The following RUNX1T1 variants were observed in gnomAD, a reference collection of about 807,000 sequenced individuals.
RUNX1T1 encodes the protein RUNX1 partner transcriptional co-repressor 1.
Under a neutral mutation model 62.8 loss-of-function variants are expected in RUNX1T1, and 4 were observed. The ratio of observed to expected loss-of-function variants is 0.06; its 90% CI spans 0.03 to 0.15. The LOEUF is 0.15. RUNX1T1 is among the 10% of genes least tolerant of loss of function. The pLI, the probability that RUNX1T1 is intolerant of heterozygous loss-of-function variation, is 1.00. For missense variants in RUNX1T1, 508 were observed against 754.3 expected (o/e 0.67, Z 3.82); for synonymous variants, 291 against 286.0 (o/e 1.02, Z -0.18).
intron 2 of RUNX1T1, among the ~76,000 whole-genome samples, chr8:92,070,458 C>G (rs1302106229): frequency 6.6e-6 from 1 of 152,168 alleles, no homozygotes; most frequent in Non-Finnish European, 1.5e-5. Context: ...TGAGGATACA[C>G]ATAACACTTA....
exon 11 of RUNX1T1, chr8:91,959,377 C>A (rs1320932353): frequency 4.5e-6 from 1 of 221,284 alleles, no homozygotes; most frequent in Non-Finnish European, 9.0e-6. Context: ...TCAAAACTGC[C>A]AGAATGCTAA....
At chr8:92,097,348 A>G (rs1206799583) in intron 1 of RUNX1T1, among the ~76,000 whole-genome samples, 5 of 152,220 alleles carry the variant, frequency 3.3e-5, no homozygotes, top group Non-Finnish European at 5.9e-5. Context: ...CATGTTTTAA[A>G]TTTAATAACA....
chr8:92,039,537 CA>C (rs1828048575), intron 1 of RUNX1T1, among the ~76,000 whole-genome samples: 1 of 152,154 alleles, frequency 6.6e-6, no homozygotes, highest in Admixed American at 6.5e-5. Context: ...ATGAGCAACT[CA>C]AAAGGTTTTA....
chr8:92,021,846 C>T (rs1414567514), intron 1 of RUNX1T1, among the ~76,000 whole-genome samples: 3 of 151,266 alleles, frequency 2.0e-5, no homozygotes, highest in South Asian at 2.1e-4. Flanking sequence ...CTATCAAATA[C>T]CAGCCACCTT....
At chr8:91,959,472 GTGCGTGTGTGTGTGTGTA>G (rs1563591462) in exon 11 of RUNX1T1, 28 of 42,702 alleles carry the variant, frequency 6.6e-4, no homozygotes, top group East Asian at 4.3e-3. Flanking sequence ...GTGTGTATAT[GTGCGTGTGTGTGTGTGTA>G]TATATATATA....
chr8:91,971,052 C>T, intron 9 of RUNX1T1: 1 of 421,084 alleles, frequency 2.4e-6, no homozygotes, highest in Non-Finnish European at 4.2e-6. Flanking sequence ...TATCTGATTA[C>T]TTTTTTGTAG....
chr8:91,984,060 T>C (rs1439252225), intron 8 of RUNX1T1, among the ~76,000 whole-genome samples: 1 of 152,222 alleles, frequency 6.6e-6, no homozygotes, highest in Non-Finnish European at 1.5e-5. Context: ...TAAATGCTTG[T>C]ACCCTTTGAC....
rs116250775 is a variant in RUNX1T1, at chr8:92,024,246, C to T, written c.8-6883G>A. On this transcript the variant is annotated intron_variant, in intron 1 of 10. Transcript: ENST00000396218. ...ATGCAAGGTGGAGTGCGGTAGCTCA[C>T]GCCTGTAATTCCAGCATTTTGTGAG... 5.0e-3 allele frequency among the ~76,000 whole-genome samples: 764 copies of T among 151,398 alleles called. 7 individuals are homozygous for T. The highest frequency in any genetic ancestry group is 0.018 in the African/African-American group (732 of 41,264).
chr8:91,960,321 G>A (rs776034147), exon 11 of RUNX1T1: 12 of 1,611,788 alleles, frequency 7.4e-6, no homozygotes, highest in Admixed American at 3.4e-5. Flanking sequence ...TGTGTCCATC[G>A]GGCTCCCAGC....
upstream of RUNX1T1, among the ~76,000 whole-genome samples, chr8:92,066,368 A>T (rs188802141): frequency 1.6e-3 from 246 of 152,344 alleles, 3 homozygotes; most frequent in Admixed American, 0.015. Context: ...ACATATTGGA[A>T]AATAATGTTT....
At chr8:91,982,808 TTTTA>T (rs1318086287) in intron 8 of RUNX1T1, among the ~76,000 whole-genome samples, 1 of 152,128 alleles carries the variant, frequency 6.6e-6, no homozygotes, top group Non-Finnish European at 1.5e-5. Flanking sequence ...TCAACTTGCA[TTTTA>T]TTTAAAGAAT....
intron 6 of RUNX1T1, among the ~76,000 whole-genome samples, chr8:91,987,486 T>C (rs1351627744): frequency 2.0e-5 from 3 of 152,100 alleles, no homozygotes; most frequent in Non-Finnish European, 4.4e-5. Context: ...CGTGATAAAA[T>C]TAGACCATGA....
chr8:91,981,520 T>TA (rs1278729233), intron 8 of RUNX1T1, among the ~76,000 whole-genome samples: 1 of 136,586 alleles, frequency 7.3e-6, no homozygotes, highest in Non-Finnish European at 1.5e-5. Context: ...GTTCAAGCAA[T>TA]ACTCCGGCCT....
At chr8:92,046,966 T>C (rs924950897) in intron 1 of RUNX1T1, among the ~76,000 whole-genome samples, 3 of 152,290 alleles carry the variant, frequency 2.0e-5, no homozygotes, top group Middle Eastern at 3.4e-3. Flanking sequence ...TTCAGAATGA[T>C]ATGATGTTTA....
chr8:92,045,432 T>G (rs2130245979), intron 1 of RUNX1T1, among the ~76,000 whole-genome samples: 1 of 152,292 alleles, frequency 6.6e-6, no homozygotes, highest in East Asian at 1.9e-4. Context: ...CAATTCAACC[T>G]ATCAGTGAGA....
chr8:92,034,505 T>C (rs1463809327), intron 1 of RUNX1T1, among the ~76,000 whole-genome samples: 1 of 152,096 alleles, frequency 6.6e-6, no homozygotes, highest in African/African-American at 2.4e-5. Flanking sequence ...ATAATTATAT[T>C]GATGCATTAA....
chr8:91,957,557 G>A (rs13255690), downstream of RUNX1T1: 633 of 231,186 alleles, frequency 2.7e-3, 2 homozygotes, highest in Admixed American at 3.7e-3. Flanking sequence ...GTAATGAGAC[G>A]TACTGTACTA....
chr8:91,970,603 C>CTAGA (rs1812621341), intron 10 of RUNX1T1, 55 bp downstream of exon 11: 1 of 1,406,468 alleles, frequency 7.1e-7, no homozygotes, highest in Non-Finnish European at 9.6e-7. Flanking sequence ...GAAGAATGAG[C>CTAGA]ACTCTAATGA....
chr8:92,020,717 T>C (rs938024277), intron 1 of RUNX1T1, among the ~76,000 whole-genome samples: 1 of 152,106 alleles, frequency 6.6e-6, no homozygotes, highest in Admixed American at 6.5e-5. Flanking sequence ...GTACCAAAGA[T>C]GGTTGATGCA....
Sources: gnomAD v4.1 joint callset for allele counts (sites outside exome capture counted in the v4.1 genomes callset) on GRCh38, gnomAD v4.1.1 for gene constraint, MANE v1.5 for transcripts, NCBI Gene and HGNC (gene_info 2026-07-23, HGNC 2026-07-21) for gene names.